Variants in SNURF observed in about 807,000 individuals in gnomAD.
SNURF encodes the protein SNURF protein.
A neutral mutation model predicts 11.6 loss-of-function variants in SNURF; 6 were observed. That is an observed-to-expected ratio of 0.52 (90% CI 0.28 to 1.02). The LOEUF is 1.02. Ranked by LOEUF, SNURF falls within the 50% of genes least tolerant of loss-of-function variation. The pLI is 0.09. For missense variants in SNURF, 84 were observed against 88.4 expected (o/e 0.95, Z 0.20); for synonymous variants, 29 against 31.6 (o/e 0.92, Z 0.27).
At chr15:24,971,706 CAA>C, downstream of SNURF, among the ~76,000 whole-genome samples, 1 of 152,008 alleles carries the variant, frequency 6.6e-6, no homozygotes, top group Admixed American at 6.6e-5. Flanking sequence ...TGATTTTTCA[CAA>C]AAAAATTCCA....
intron 1 of SNURF, among the ~76,000 whole-genome samples, chr15:24,958,465 C>G (rs1254972312): frequency 1.1e-5 from 1 of 93,464 alleles, no homozygotes; most frequent in South Asian, 4.6e-4. Context: ...CTCTCCATTT[C>G]TGGATGCTAG....
chr15:24,958,266 C>A (rs1035910870), intron 1 of SNURF, among the ~76,000 whole-genome samples: 1 of 151,860 alleles, frequency 6.6e-6, no homozygotes, highest in Admixed American at 6.6e-5. Flanking sequence ...TGTTTATCAG[C>A]GCCCTCTGTT....
At chr15:24,969,430 A>G (rs1348241485), downstream of SNURF, among the ~76,000 whole-genome samples, 2 of 152,112 alleles carry the variant, frequency 1.3e-5, no homozygotes, top group African/African-American at 2.4e-5. Flanking sequence ...CGCCCGGCCC[A>G]TTTTGAGTTT....
downstream of SNURF, among the ~76,000 whole-genome samples, chr15:24,973,011 C>G (rs1031856867): frequency 6.6e-6 from 1 of 151,884 alleles, no homozygotes; most frequent in Non-Finnish European, 1.5e-5. Flanking sequence ...CCTCAGCCTC[C>G]TGAGTAGCTG....
downstream of SNURF, among the ~76,000 whole-genome samples, chr15:24,969,255 A>G (rs561593909): frequency 2.7e-3 from 403 of 152,070 alleles, 8 homozygotes; most frequent in South Asian, 0.047. Flanking sequence ...CAGCCTCCCA[A>G]GTATCTGGGA....
intron 1 of SNURF, 117 bp downstream of exon 1, chr15:24,955,179 A>C (rs771598877): frequency 7.2e-7 from 1 of 1,389,764 alleles, no homozygotes; most frequent in Non-Finnish European, 1.0e-6. Context: ...TTGGGCCCTA[A>C]AGTCCTTTGT....
At position 24,955,012 on chromosome 15, in the gene SNURF, G is replaced by T. The variant is rs749365354; in HGVS notation, c.-37G>T. ...GCAGAGTGGAGCGGCCGCCGGAGAT[G>T]CCTGACGCATCTGTCTGAGGAGCGG... On this transcript the variant is annotated 5_prime_UTR_variant, in exon 1 of 3. An upstream start codon of the reference 5' UTR is lost. Transcript: ENST00000577949. The T allele has an allele frequency of 3.1e-6, 5 of 1,612,142 alleles. No homozygotes were observed. In the South Asian group the frequency reaches 3.3e-5, roughly 11 times the overall value.
intron 2 of SNURF, 115 bp from the exon 3 acceptor site, chr15:24,967,817 A>G (rs1197715756): frequency 1.1e-6 from 1 of 913,420 alleles, no homozygotes; most frequent in Non-Finnish European, 1.6e-6. Flanking sequence ...GGAAAAAAAA[A>G]AAAAAAAAAA....
At chr15:24,957,083 C>T (rs533510150) in intron 1 of SNURF, among the ~76,000 whole-genome samples, 4 of 152,094 alleles carry the variant, frequency 2.6e-5, no homozygotes, top group African/African-American at 9.7e-5. Flanking sequence ...ACTTGTTAAC[C>T]CCTTTTTTTT....
chr15:24,955,754 G>A (rs540083458), intron 1 of SNURF, among the ~76,000 whole-genome samples: 87 of 151,280 alleles, frequency 5.8e-4, no homozygotes, highest in South Asian at 1.7e-3. Flanking sequence ...GGAAGGCGGC[G>A]ACAGTGGGTA....
rs557500102 is a variant in SNURF at position 24,956,095 on chromosome 15, C to A, written c.14+1033C>A. 2.0e-5 allele frequency among the ~76,000 whole-genome samples: 3 copies of A among 152,186 alleles called. No individual in the cohort carries two copies. In the South Asian group the frequency reaches 6.2e-4, roughly 32 times the overall value. Reference sequence around the variant, plus strand: ...AGAAATGCGTGGAATCCTTGCGTACCCTTTAGGAACCCTCGCTTTAGAGGC... The same window carrying A: ...AGAAATGCGTGGAATCCTTGCGTACACTTTAGGAACCCTCGCTTTAGAGGC... On this transcript the variant is annotated intron_variant, in intron 1 of 2. Transcript: ENST00000577949.
intron 2 of SNURF, 67 bp downstream of exon 2, chr15:24,962,276 A>AT: frequency 8.0e-7 from 1 of 1,250,960 alleles, no homozygotes; most frequent in Non-Finnish European, 1.2e-6. Flanking sequence ...ACAAAATATC[A>AT]TGCAATGAGG....
chr15:24,962,856 GC>G, intron 2 of SNURF, among the ~76,000 whole-genome samples: 1 of 152,086 alleles, frequency 6.6e-6, no homozygotes, highest in East Asian at 1.9e-4. Context: ...AAAATTTGAT[GC>G]CATTAAAATT....
At chr15:24,964,400 C>A (rs1017649656) in intron 2 of SNURF, among the ~76,000 whole-genome samples, 4 of 152,132 alleles carry the variant, frequency 2.6e-5, no homozygotes, top group African/African-American at 9.7e-5. Context: ...TCAAGTGATT[C>A]TCCTGCCTCA....
At chr15:24,977,630 C>T in intron 6 of SNURF, 1 of 773,664 alleles carries the variant, frequency 1.3e-6, no homozygotes, top group Non-Finnish European at 1.9e-6. Flanking sequence ...AAGAGTGAAA[C>T]TGTCTCAAAA....
intron 3 of SNURF, chr15:24,974,930 G>A (rs1324565169): frequency 4.3e-5 from 30 of 702,834 alleles, no homozygotes; most frequent in East Asian, 2.7e-4. Flanking sequence ...AGTGGTGAAG[G>A]ACTGTCCTGC....
chr15:24,957,816 C>G (rs1340190671), intron 1 of SNURF, among the ~76,000 whole-genome samples: 1 of 152,050 alleles, frequency 6.6e-6, no homozygotes, highest in East Asian at 1.9e-4. Context: ...TGGCTATTTG[C>G]AAGCTGAGTA....
chr15:24,976,406 C>T (rs758956901), exon 5 of SNURF: 1 of 1,607,124 alleles, frequency 6.2e-7, no homozygotes, highest in Non-Finnish European at 8.5e-7. Flanking sequence ...GAGGGGCCAC[C>T]CCCCAAAGAT....
At chr15:24,972,774 G>A (rs574593215), downstream of SNURF, among the ~76,000 whole-genome samples, 1 of 143,790 alleles carries the variant, frequency 7.0e-6, no homozygotes, top group Non-Finnish European at 1.5e-5. Context: ...CATTATGCAT[G>A]CTTGATTACG....
Sources: gnomAD v4.1 joint callset for allele counts (sites outside exome capture counted in the v4.1 genomes callset) on GRCh38, gnomAD v4.1.1 for gene constraint, MANE v1.5 for transcripts, NCBI Gene and HGNC (gene_info 2026-07-23, HGNC 2026-07-21) for gene names.